HSD17B13: variants seen among roughly 807,000 people sequenced by gnomAD.
HSD17B13 encodes hydroxysteroid 17-beta dehydrogenase 13.
In HSD17B13, 26 loss-of-function variants were observed where a neutral mutation model predicts 31.1. That is an observed-to-expected ratio of 0.84 (90% CI 0.61 to 1.16). The LOEUF (loss-of-function observed/expected upper bound fraction) is 1.16. Ranked by LOEUF, HSD17B13 falls within the 50% of genes most tolerant of loss-of-function variation. The probability of loss-of-function intolerance (pLI) is 0.00; values close to 1 mark genes in which losing one functional copy is unlikely to be tolerated. For synonymous variants in HSD17B13, 141 were observed against 133.7 expected (o/e 1.05, Z -0.38); for missense variants, 374 against 366.5 (o/e 1.02, Z -0.17).
chr4:87,310,200 T>C, intron 6 of HSD17B13, 43 bp downstream of exon 6: 1 of 1,471,076 alleles, frequency 6.8e-7, no homozygotes, highest in Non-Finnish European at 9.0e-7. Flanking sequence ...AAAAAAAAGC[T>C]CTATTGGTGT....
In HSD17B13 at chr4:87,304,667, A is replaced by G. The variant is rs1338885951; in HGVS notation, c.*551T>C. ...AAGACAGAATCAAGTAATAAAGTCC[A>G]GAATAGAGTTGCACCGTTTTGGGCT... is the stretch of plus-strand genomic sequence containing the variant. On this transcript the variant is annotated 3_prime_UTR_variant, in exon 7 of 7. Coordinates refer to ENST00000328546, the MANE Select transcript of HSD17B13 (RefSeq NM_178135.5). 6.6e-6 allele frequency: 1 copy of G among 152,236 alleles called. No individual in the cohort carries two copies. The highest frequency in any genetic ancestry group is 2.4e-5 in the African/African-American group (1 of 41,440). The allele number at this position is 152,236 out of a possible 1,614,324, so 9.4% of individuals were successfully genotyped here. A position where few individuals can be genotyped will look rare whatever the true frequency, so the allele number is the denominator to read the frequency against.
At chr4:87,321,054 G>C (rs1316275861) in intron 1 of HSD17B13, among the ~76,000 whole-genome samples, 1 of 152,134 alleles carries the variant, frequency 6.6e-6, no homozygotes, top group Non-Finnish European at 1.5e-5. Flanking sequence ...TTTTGAGACA[G>C]AGCCTGGCTC....
rs775126280 is a variant in HSD17B13, at chr4:87,318,449, A to G, written c.211-13T>C. The G allele has an allele frequency of 3.1e-6, 5 of 1,611,986 alleles. No individual in the cohort carries two copies. The highest frequency in any genetic ancestry group is 4.2e-6 in the Non-Finnish European group (5 of 1,178,094). ...CCTCCACACCGCGCTGTAATTAGGA[A>G]GAAACAAATTCCGAAAAAAGTGGAG... is the stretch of plus-strand genomic sequence containing the variant. On this transcript the variant is annotated splice_polypyrimidine_tract_variant and intron_variant, in intron 1 of 6. Coordinates refer to ENST00000328546, the MANE Select transcript of HSD17B13 (RefSeq NM_178135.5).
chr4:87,305,434 T>C (rs867820649), intron 6 of HSD17B13, 126 bp from the exon 7 acceptor site: 2 of 497,512 alleles, frequency 4.0e-6, no homozygotes, highest in African/African-American at 2.0e-5. Context: ...CCTCCGTTCT[T>C]TTCTTCTCTT....
chr4:87,306,702 C>T (rs113336594), intron 6 of HSD17B13, among the ~76,000 whole-genome samples: 58 of 151,818 alleles, frequency 3.8e-4, no homozygotes, highest in African/African-American at 1.3e-3. Flanking sequence ...GTCAGGAGTT[C>T]GAGACCAGCT....
rs199826420 is a variant in HSD17B13, at chr4:87,322,672, G to A, written c.170C>T (p.Ala57Val). Residue 57 changes from alanine to valine, a missense_variant, in exon 1 of 7, where the codon GCA (alanine) becomes GTA (valine). Ala to Val is a moderately conservative substitution (Grantham distance 64). Coordinates refer to ENST00000328546, the MANE Select transcript of HSD17B13 (RefSeq NM_178135.5). ...GIGRQTTYEF[A>V]KRQSILVLWD... is the part of the protein sequence containing the mutation. Reference sequence around the variant, plus strand: ...CAGAACCAATATGCTCTGTCGTTTTGCAAATTCATAAGTAGTCTGCCTGCC... The same window carrying A: ...CAGAACCAATATGCTCTGTCGTTTTACAAATTCATAAGTAGTCTGCCTGCC... 2 of 1,614,052 alleles carry A rather than the reference G, an allele frequency of 1.2e-6. No homozygotes were observed. Among genetic ancestry groups the A allele is most frequent in the East Asian group, 2.2e-5 (1 of 44,886 alleles).
intron 3 of HSD17B13, 94 bp from the exon 4 acceptor site, chr4:87,315,693 T>TGCCGCCGCGCCGGCGAGCGCCGCCGGG: frequency 1.6e-6 from 1 of 633,396 alleles, no homozygotes; most frequent in South Asian, 2.1e-5. Flanking sequence ...GAAAGGCATT[T>TGCCGCCGCGCCGGCGAGCGCCGCCGGG]GAGAGAACTT....
Position 87,305,192 on chromosome 4 carries a change from T to C in HSD17B13, c.*26A>G, listed in dbSNP as rs1287334969. 4 of 1,434,540 alleles carry C rather than the reference T, an allele frequency of 2.8e-6. No individual in the cohort carries two copies. The highest frequency in any genetic ancestry group is 3.9e-6 in the Non-Finnish European group (4 of 1,028,978). The allele number at this position is 1,434,540 out of a possible 1,614,324, so 88.9% of individuals were successfully genotyped here. On this transcript the variant is annotated 3_prime_UTR_variant, in exon 7 of 7. Coordinates refer to ENST00000328546, the MANE Select transcript of HSD17B13 (RefSeq NM_178135.5). ...AAACTATTCATATCATTATCATGCA[T>C]ACATCTCTGGCTGGAGCTTATTTAT...
At chr4:87,309,874 A>G (rs893698525) in intron 6 of HSD17B13, among the ~76,000 whole-genome samples, 1 of 152,142 alleles carries the variant, frequency 6.6e-6, no homozygotes, top group Admixed American at 6.5e-5. Flanking sequence ...TAATAGCTCT[A>G]TTGGGCCAGG....
intron 1 of HSD17B13, among the ~76,000 whole-genome samples, chr4:87,319,550 A>G (rs904330805): frequency 6.6e-6 from 1 of 152,248 alleles, no homozygotes; most frequent in Non-Finnish European, 1.5e-5. Context: ...GTAATTCTAA[A>G]CTAGTGGTAA....
At chr4:87,312,605 CT>C (rs1734555906) in intron 5 of HSD17B13, among the ~76,000 whole-genome samples, 1 of 140,686 alleles carries the variant, frequency 7.1e-6, no homozygotes. Flanking sequence ...TCTCGGCTCA[CT>C]GCAAGCTCCG....
At chr4:87,318,095 T>G (rs1200007007) in intron 2 of HSD17B13, among the ~76,000 whole-genome samples, 1 of 152,178 alleles carries the variant, frequency 6.6e-6, no homozygotes, top group Admixed American at 6.5e-5. Flanking sequence ...GTGCCACTGC[T>G]CACACTTCTG....
chr4:87,315,446 C>A, intron 4 of HSD17B13, 47 bp downstream of exon 4: 1 of 1,108,734 alleles, frequency 9.0e-7, no homozygotes, highest in South Asian at 1.4e-5. Flanking sequence ...TGTAATGCTC[C>A]CTTCAAAGTA....
intron 1 of HSD17B13, among the ~76,000 whole-genome samples, chr4:87,321,019 T>C (rs915739183): frequency 6.6e-6 from 1 of 152,136 alleles, no homozygotes; most frequent in African/African-American, 2.4e-5. Context: ...GGGTTACCTA[T>C]TTTTCTTAAG....
chr4:87,305,930 C>A (rs190945126), intron 6 of HSD17B13, among the ~76,000 whole-genome samples: 2 of 152,052 alleles, frequency 1.3e-5, no homozygotes, highest in East Asian at 3.9e-4. Context: ...CAGCGGAGTA[C>A]GTTAATAATC....
Position 87,322,691 on chromosome 4 carries a change from G to C in HSD17B13, c.151C>G (p.Gln51Glu), listed in dbSNP as rs1734815807. ...CGTTTTGCAAATTCATAAGTAGTCT[G>C]CCTGCCTATTCCATGCCCAGCTCCA... is the stretch of plus-strand genomic sequence containing the variant. ...ITGAGHGIGR[Q>E]TTYEFAKRQS... Residue 51 changes from glutamine (Q) to glutamate (E), a missense_variant, in exon 1 of 7, where the codon CAG becomes GAG. Transcript: ENST00000328546. 6.2e-7 allele frequency: 1 copy of C among 1,613,970 alleles called. No individual in the cohort carries two copies.
intron 6 of HSD17B13, among the ~76,000 whole-genome samples, chr4:87,309,671 A>C (rs1734482351): frequency 6.6e-6 from 1 of 152,164 alleles, no homozygotes; most frequent in Non-Finnish European, 1.5e-5. Context: ...ACTATATTGC[A>C]TTCTTTTTAA....
chr4:87,305,276 T>C lies in HSD17B13; in HGVS notation c.845A>G (p.Asn282Ser), dbSNP rs779546312. 3 of 1,607,536 alleles carry C rather than the reference T, an allele frequency of 1.9e-6. No homozygotes were observed. Among genetic ancestry groups the C allele is most frequent in the African/African-American group, 1.3e-5 (1 of 74,764 alleles). ...FLPERASAIL[N>S]RMQNIQFEAV... ...TTCAAATTGAATATTCTGCATACGATTTAAAATCGCTGAGGCGCGTTCAGG... is the reference window on the plus strand; with the variant it reads ...TTCAAATTGAATATTCTGCATACGACTTAAAATCGCTGAGGCGCGTTCAGG... The change falls in exon 7 of 7, where the codon AAT becomes AGT. Residue 282 changes from asparagine to serine, a missense_variant. Coordinates refer to ENST00000328546, the MANE Select transcript of HSD17B13 (RefSeq NM_178135.5).
At chr4:87,317,562 A>ATTTTTTTTTTT (rs1560750190) in intron 2 of HSD17B13, among the ~76,000 whole-genome samples, 4 of 61,006 alleles carry the variant, frequency 6.6e-5, no homozygotes, top group African/African-American at 2.0e-4. Context: ...TTTTCTTTAA[A>ATTTTTTTTTTT]CTTTTTTTTT....
Sources: allele counts gnomAD v4.1 joint callset (sites outside exome capture counted in the v4.1 genomes callset), GRCh38; gene constraint gnomAD v4.1.1; transcripts MANE v1.5; gene names NCBI Gene and HGNC (gene_info 2026-07-23, HGNC 2026-07-21).